The following WBP1L variants were observed in gnomAD, a reference collection of about 807,000 sequenced individuals.
WBP1L encodes the protein WW domain binding protein 1-like.
In WBP1L, 17 loss-of-function variants were observed where a neutral mutation model predicts 33.7. The observed-to-expected ratio is 0.50, with a 90% confidence interval of 0.34 to 0.76. The LOEUF is 0.76. WBP1L is among the 30% of genes least tolerant of loss of function. The pLI, the probability that WBP1L is intolerant of heterozygous loss-of-function variation, is 0.01. For missense variants in WBP1L, 389 were observed against 469.4 expected, an observed-to-expected ratio of 0.83 and a Z score of 1.58; for synonymous variants, 173 against 190.8, an observed-to-expected ratio of 0.91 and a Z score of 0.77.
intron 1 of WBP1L, chr10:102,776,036 G>A (rs750485672): frequency 3.2e-6 from 3 of 950,788 alleles, no homozygotes; most frequent in South Asian, 4.8e-5. Flanking sequence ...GCTGGGCATC[G>A]CGGGTCTGCA....
chr10:102,794,933 G>A (rs1290067359), intron 1 of WBP1L, among the ~76,000 whole-genome samples: 1 of 151,958 alleles, frequency 6.6e-6, no homozygotes, highest in African/African-American at 2.4e-5. Flanking sequence ...CTTTCGTACC[G>A]CTGCAGCAGA....
intron 2 of WBP1L, among the ~76,000 whole-genome samples, chr10:102,799,324 TAA>T (rs547568367): frequency 5.7e-5 from 8 of 141,170 alleles, no homozygotes; most frequent in African/African-American, 5.2e-5. Flanking sequence ...AGGCTCCATC[TAA>T]AAAAAAAAAA....
intron 1 of WBP1L, among the ~76,000 whole-genome samples, chr10:102,771,175 A>G (rs1050114131): frequency 1.2e-4 from 19 of 152,204 alleles, no homozygotes; most frequent in African/African-American, 4.3e-4. Flanking sequence ...TGCCTACAAA[A>G]ATGTTGCCAA....
rs557882796 is a variant in WBP1L, at chr10:102,766,919, G to C, written c.90+22776G>C. ...ACATCCCTCCTTTTGTTCTTATTCC[G>C]ATCTTTGGTTTGGAGAGCAATTGTG... On this transcript the variant is annotated intron_variant, in intron 1 of 3. Transcript: ENST00000448841. Among the ~76,000 whole-genome samples the C allele has an allele frequency of 5.3e-4, 81 of 152,172 alleles. 1 individual carries two copies. Among genetic ancestry groups the C allele is most frequent in the South Asian group, 2.1e-3 (10 of 4,820 alleles).
chr10:102,786,038 T>C (rs983567680), intron 1 of WBP1L, among the ~76,000 whole-genome samples: 23 of 152,262 alleles, frequency 1.5e-4, no homozygotes, highest in Non-Finnish European at 2.9e-5. Flanking sequence ...TAGCTTTTTC[T>C]GAATTTGTTA....
chr10:102,750,482 T>G (rs1193856697), intron 1 of WBP1L, among the ~76,000 whole-genome samples: 1 of 152,180 alleles, frequency 6.6e-6, no homozygotes, highest in Non-Finnish European at 1.5e-5. Context: ...TGTTTCAGTA[T>G]AGTCACAGAA....
intron 1 of WBP1L, among the ~76,000 whole-genome samples, chr10:102,779,323 G>A (rs1209240196): frequency 6.6e-6 from 1 of 151,248 alleles, no homozygotes; most frequent in African/African-American, 2.4e-5. Flanking sequence ...TTCTTGTTGA[G>A]TCTCGTTCTT....
chr10:102,751,239 C>T (rs1224987819), intron 1 of WBP1L, among the ~76,000 whole-genome samples: 1 of 151,864 alleles, frequency 6.6e-6, no homozygotes, highest in African/African-American at 2.4e-5. Context: ...TGACCTCAGG[C>T]GATCTGCCCG....
chr10:102,780,341 C>A (rs899954585), intron 1 of WBP1L, among the ~76,000 whole-genome samples: 1 of 152,120 alleles, frequency 6.6e-6, no homozygotes, highest in African/African-American at 2.4e-5. Flanking sequence ...GGCATGCTAT[C>A]CCTTTATTAT....
At chr10:102,766,940 T>C (rs970805679) in intron 1 of WBP1L, among the ~76,000 whole-genome samples, 2 of 152,162 alleles carry the variant, frequency 1.3e-5, no homozygotes, top group Non-Finnish European at 2.9e-5. Context: ...TGGAGAGCAA[T>C]TGTGAGGAGG....
intron 1 of WBP1L, chr10:102,744,346 G>A (rs1842837613): frequency 4.1e-6 from 4 of 980,642 alleles, no homozygotes; most frequent in Non-Finnish European, 4.8e-6. Context: ...GGTGGCAGAG[G>A]CATGATGCCA....
At chr10:102,801,958 T>C (rs186776942) in intron 2 of WBP1L, among the ~76,000 whole-genome samples, 2 of 45,984 alleles carry the variant, frequency 4.3e-5, no homozygotes, top group African/African-American at 2.0e-4. Flanking sequence ...CTCCCACCCT[T>C]CCCTACCCTT....
In WBP1L at chr10:102,788,087, A is replaced by C. The variant is rs554320162; in HGVS notation, c.91-9906A>C. Among the ~76,000 whole-genome samples the C allele has an allele frequency of 4.0e-5, 6 of 150,552 alleles. No individual in the cohort carries two copies. The East Asian group carries it at 1.2e-3, about 29-fold the overall frequency. On this transcript the variant is annotated intron_variant, in intron 1 of 3. Coordinates refer to ENST00000448841, the MANE Select transcript of WBP1L (RefSeq NM_001083913.2). ...GAGACCCTGCCTCAGGAAAAAAAAA[A>C]CAAAACCAATACTATCAGGGAGAAC...
intron 1 of WBP1L, among the ~76,000 whole-genome samples, chr10:102,765,678 TTAGAG>T (rs1211428906): frequency 6.6e-6 from 1 of 152,154 alleles, no homozygotes; most frequent in Non-Finnish European, 1.5e-5. Flanking sequence ...GTTGCTTACT[TTAGAG>T]GAGAAGGTAG....
chr10:102,816,122 A>G lies in WBP1L; in HGVS notation c.*2791A>G, dbSNP rs1843940493. 1 of 152,604 alleles carries G rather than the reference A, an allele frequency of 6.6e-6. No individual in the cohort carries two copies. Among genetic ancestry groups the G allele is most frequent in the African/African-American group, 2.4e-5 (1 of 41,432 alleles). The allele number at this position is 152,604 out of a possible 1,614,324, so 9.5% of individuals were successfully genotyped here. On this transcript the variant is annotated 3_prime_UTR_variant, in exon 4 of 4. Transcript: ENST00000448841. ...TTACCCTTTGTCAGTTATTGTGAAT[A>G]TGTGTATTTTAAGCAATAAGATTCA... is the stretch of plus-strand genomic sequence containing the variant.
At chr10:102,799,606 A>G (rs1843623328) in intron 2 of WBP1L, among the ~76,000 whole-genome samples, 1 of 152,174 alleles carries the variant, frequency 6.6e-6, no homozygotes, top group South Asian at 2.1e-4. Flanking sequence ...CGTAGTTCTT[A>G]CAATTGTCTC....
At chr10:102,800,040 T>C (rs907183108) in intron 2 of WBP1L, among the ~76,000 whole-genome samples, 1 of 152,142 alleles carries the variant, frequency 6.6e-6, no homozygotes, top group Non-Finnish European at 1.5e-5. Flanking sequence ...CCTGCAGATA[T>C]ATAAGCAGCA....
At chr10:102,770,735 C>T (rs1402241368) in intron 1 of WBP1L, among the ~76,000 whole-genome samples, 1 of 152,018 alleles carries the variant, frequency 6.6e-6, no homozygotes. Flanking sequence ...TCCAGAACAC[C>T]ACCATCATAT....
chr10:102,813,799 C>T lies in WBP1L; in HGVS notation c.*468C>T, dbSNP rs562590718. 1.6e-4 allele frequency: 25 copies of T among 161,106 alleles called. No individual in the cohort carries two copies. In the South Asian group the frequency reaches 3.9e-3, roughly 25 times the overall value. 10.0% of individuals were successfully genotyped at this position (161,106 alleles called of 1,614,324 possible). On this transcript the variant is annotated 3_prime_UTR_variant, in exon 4 of 4. Transcript: ENST00000448841. ...GGCCCTGGATGAAGAAGGAAACCCA[C>T]AGAGGCCCAGGGCTTGTCATTGGGC...
Sources: allele counts gnomAD v4.1 joint callset (sites outside exome capture counted in the v4.1 genomes callset), GRCh38; gene constraint gnomAD v4.1.1; transcripts MANE v1.5; gene names NCBI Gene and HGNC (gene_info 2026-07-23, HGNC 2026-07-21).